The following ACOT8 variants were observed in gnomAD, a reference collection of about 807,000 sequenced individuals.
The protein encoded by ACOT8 is acyl-CoA thioesterase 8.
Under a neutral mutation model 38.4 loss-of-function variants are expected in ACOT8, and 31 were observed. The ratio of observed to expected loss-of-function variants is 0.81; its 90% CI spans 0.61 to 1.09. ACOT8 has a LOEUF of 1.09. Ranked by LOEUF, ACOT8 falls within the 50% of genes least tolerant of loss-of-function variation. The pLI is 0.00. For synonymous variants in ACOT8, 158 were observed against 170.3 expected, an observed-to-expected ratio of 0.93 and a Z score of 0.56; for missense variants, 373 against 421.8, an observed-to-expected ratio of 0.88 and a Z score of 1.01.
At chr20:45,854,160 A>G (rs567445556) in intron 2 of ACOT8, among the ~76,000 whole-genome samples, 2 of 143,790 alleles carry the variant, frequency 1.4e-5, no homozygotes, top group South Asian at 2.2e-4. Flanking sequence ...TGGCCTCCCA[A>G]TGTGCGGGGA....
intron 5 of ACOT8, chr20:45,842,989 A>G: frequency 9.6e-7 from 1 of 1,044,868 alleles, no homozygotes; most frequent in Middle Eastern, 4.7e-4. Flanking sequence ...AGGAAGGTCC[A>G]AGCAGGCCCT....
At chr20:45,854,411 C>T (rs972181102) in intron 2 of ACOT8, among the ~76,000 whole-genome samples, 3 of 152,120 alleles carry the variant, frequency 2.0e-5, no homozygotes, top group Non-Finnish European at 2.9e-5. Flanking sequence ...GGGGTTTCAC[C>T]GTGTTAGCTA....
At chr20:45,842,135 C>G (rs1984229895) in intron 5 of ACOT8, 179 bp from the exon 6 acceptor site, 2 of 1,530,652 alleles carry the variant, frequency 1.3e-6, no homozygotes, top group African/African-American at 1.4e-5. Flanking sequence ...ATCACCATGC[C>G]CAACCTCCAA....
intron 3 of ACOT8, among the ~76,000 whole-genome samples, chr20:45,848,227 C>G (rs1217486926): frequency 2.0e-5 from 3 of 152,104 alleles, no homozygotes; most frequent in African/African-American, 7.2e-5. Flanking sequence ...TCATTTTATA[C>G]CATGACCCAG....
At chr20:45,848,723 C>T (rs1984867015) in intron 2 of ACOT8, 48 bp from the exon 3 acceptor site, 29 of 1,483,770 alleles carry the variant, frequency 2.0e-5, no homozygotes, top group Non-Finnish European at 2.7e-5. Context: ...CTGTCATCAT[C>T]ACAACGCCTG....
rs941649323 is a variant in ACOT8, at chr20:45,848,707, C to T, written c.263-32G>A. On this transcript the variant is annotated intron_variant, in intron 2 of 5. Coordinates refer to ENST00000217455, the MANE Select transcript of ACOT8 (RefSeq NM_005469.4). Reference sequence around the variant, plus strand: ...TGGGCACAAGGACACAGTGGGTCCACAGGCCCTGTCATCATCACAACGCCT... The same window carrying T: ...TGGGCACAAGGACACAGTGGGTCCATAGGCCCTGTCATCATCACAACGCCT... 141 of 1,545,768 alleles carry T rather than the reference C, an allele frequency of 9.1e-5. 1 individual carries two copies. The highest frequency in any genetic ancestry group is 1.2e-4 in the Non-Finnish European group (137 of 1,137,026).
intron 3 of ACOT8, among the ~76,000 whole-genome samples, chr20:45,845,047 GCTGGGA>G (rs1326991502): frequency 6.6e-6 from 1 of 152,142 alleles, no homozygotes; most frequent in Non-Finnish European, 1.5e-5. Flanking sequence ...CTCCCGAGTA[GCTGGGA>G]CTAGAGGTGT....
Position 45,857,296 on chromosome 20 carries a change from G to C in ACOT8, c.20C>G (p.Pro7Arg). The C allele has an allele frequency of 1.2e-6, 2 of 1,608,100 alleles. No homozygotes were observed. The highest frequency in any genetic ancestry group is 1.7e-6 in the Non-Finnish European group (2 of 1,177,724). MSSPQAPEDGQGCGDRG... is the reference protein window; with the variant it reads MSSPQAREDGQGCGDRG... ...GTCGCCACAGCCCTGCCCATCTTCTGGGGCCTGCGGGGACGACATCTAGTT... is the reference window on the plus strand; with the variant it reads ...GTCGCCACAGCCCTGCCCATCTTCTCGGGCCTGCGGGGACGACATCTAGTT... The change falls in exon 1 of 6, where the codon CCA becomes CGA. Residue 7 changes from proline to arginine, a missense_variant. Pro to Arg is a moderately radical substitution (Grantham distance 103). Transcript: ENST00000217455.
chr20:45,852,399 G>A (rs1361248938), intron 2 of ACOT8, among the ~76,000 whole-genome samples: 1 of 151,516 alleles, frequency 6.6e-6, no homozygotes, highest in Non-Finnish European at 1.5e-5. Flanking sequence ...GGCTGGTCTC[G>A]AACTCTTGAC....
intron 3 of ACOT8, 33 bp downstream of exon 3, chr20:45,848,417 A>C (rs1266091137): frequency 6.6e-7 from 1 of 1,517,238 alleles, no homozygotes; most frequent in East Asian, 2.3e-5. Flanking sequence ...CTGCATTTTG[A>C]AAAGTCTGCC....
At position 45,857,285 on chromosome 20, in the gene ACOT8, G is replaced by A. The variant is rs772765818; in HGVS notation, c.31C>T (p.Gln11Ter). The A allele has an allele frequency of 1.2e-6, 2 of 1,611,040 alleles. No individual in the cohort carries two copies. The highest frequency in any genetic ancestry group is 1.7e-6 in the Non-Finnish European group (2 of 1,179,004). The change falls in exon 1 of 6, where the codon CAG (glutamine) becomes TAG (stop). Residue 11 changes from glutamine to a stop codon, truncating the protein, a stop_gained. Coordinates refer to ENST00000217455, the MANE Select transcript of ACOT8 (RefSeq NM_005469.4). LOFTEE classifies it high-confidence loss of function. ...GGATCGCCGCGGTCGCCACAGCCCT[G>A]CCCATCTTCTGGGGCCTGCGGGGAC... is the stretch of plus-strand genomic sequence containing the variant. MSSPQAPEDG[Q>*]GCGDRGDPPG...
intron 5 of ACOT8, chr20:45,842,588 G>T: frequency 1.0e-6 from 1 of 993,872 alleles, no homozygotes; most frequent in Non-Finnish European, 1.2e-6. Context: ...TTTCTCCCTT[G>T]CTGGCTTTGG....
intron 2 of ACOT8, chr20:45,849,196 A>C (rs1460568269): frequency 6.6e-6 from 1 of 152,576 alleles, no homozygotes; most frequent in Non-Finnish European, 1.5e-5. Flanking sequence ...ATCAGGGAGC[A>C]GTAAATCTAG....
chr20:45,843,050 G>A, intron 5 of ACOT8: 1 of 1,151,040 alleles, frequency 8.7e-7, no homozygotes, highest in Middle Eastern at 4.0e-4. Context: ...GAATCACTTA[G>A]AGAACTTAAA....
intron 2 of ACOT8, among the ~76,000 whole-genome samples, chr20:45,853,262 T>C (rs1985181099): frequency 6.6e-6 from 1 of 152,200 alleles, no homozygotes; most frequent in South Asian, 2.1e-4. Flanking sequence ...CAAAGACACA[T>C]AAACCAGGTT....
At position 45,843,379 on chromosome 20, in the gene ACOT8, G is replaced by A. The variant is rs1039195501; in HGVS notation, c.841+148C>T. On this transcript the variant is annotated intron_variant, in intron 5 of 5. Transcript: ENST00000217455. Reference sequence around the variant, plus strand: ...TGTCCCGGCCTCACCCTCTCATTTTGAAGATGAAGATGCCAAAGCCTGGGA... The same window carrying A: ...TGTCCCGGCCTCACCCTCTCATTTTAAAGATGAAGATGCCAAAGCCTGGGA... 2.9e-6 allele frequency: 3 copies of A among 1,045,148 alleles called. No individual in the cohort carries two copies. The African/African-American group carries it at 4.7e-5, about 16-fold the overall frequency. The allele number at this position is 1,045,148 out of a possible 1,614,324, so 64.7% of individuals were successfully genotyped here.
chr20:45,856,549 C>T (rs2145780270), intron 1 of ACOT8, among the ~76,000 whole-genome samples: 1 of 152,066 alleles, frequency 6.6e-6, no homozygotes, highest in South Asian at 2.1e-4. Context: ...TGGGCTGTGG[C>T]GCGCCTGTAT....
rs773688686 is a variant in ACOT8 at position 45,843,783 on chromosome 20, G to A, written c.647-62C>T. Reference sequence around the variant, plus strand: ...TTTCCAGCTCAGGACCTGCACGGAGGTAGGGGGAAAAGGGACTCCCGTGCA... The same window carrying A: ...TTTCCAGCTCAGGACCTGCACGGAGATAGGGGGAAAAGGGACTCCCGTGCA... On this transcript the variant is annotated intron_variant, in intron 4 of 5. Transcript: ENST00000217455. 1.9e-4 allele frequency: 302 copies of A among 1,585,780 alleles called. 1 individual carries two copies. Among genetic ancestry groups the A allele is most frequent in the Non-Finnish European group, 2.3e-4 (268 of 1,163,046 alleles).
chr20:45,842,376 G>A (rs1984274458), intron 5 of ACOT8: 1 of 1,288,858 alleles, frequency 7.8e-7, no homozygotes, highest in South Asian at 2.0e-5. Context: ...TCCTTCAACA[G>A]CTCGGCCAAG....
Sources: allele counts gnomAD v4.1 joint callset (sites outside exome capture counted in the v4.1 genomes callset), GRCh38; gene constraint gnomAD v4.1.1; transcripts MANE v1.5; gene names NCBI Gene and HGNC (gene_info 2026-07-23, HGNC 2026-07-21).